KCNN2: variants seen among roughly 807,000 people sequenced by gnomAD.
The protein encoded by KCNN2 is potassium calcium-activated channel subfamily N member 2.
A neutral mutation model predicts 55.5 loss-of-function variants in KCNN2; 24 were observed. The ratio of observed to expected loss-of-function variants is 0.43; its 90% confidence interval spans 0.31 to 0.61. KCNN2 has a LOEUF of 0.61. Ranked by LOEUF, KCNN2 falls within the 20% of genes least tolerant of loss-of-function variation. The probability of loss-of-function intolerance (pLI) is 0.08; values close to 1 mark genes in which losing one functional copy is unlikely to be tolerated. For synonymous variants in KCNN2, 431 were observed against 336.1 expected (o/e 1.28, Z -3.09); for missense variants, 754 against 853.6 (o/e 0.88, Z 1.45).
chr5:114,395,796 T>C (rs1467922923), intron 2 of KCNN2, among the ~76,000 whole-genome samples: 1 of 152,190 alleles, frequency 6.6e-6, no homozygotes, highest in African/African-American at 2.4e-5. Flanking sequence ...CCTTCCTGCT[T>C]CACTGCCTGC....
At chr5:114,479,132 G>C (rs1332409263) in intron 5 of KCNN2, among the ~76,000 whole-genome samples, 2 of 151,800 alleles carry the variant, frequency 1.3e-5, no homozygotes, top group Non-Finnish European at 2.9e-5. Context: ...AGACCCATCA[G>C]TGTGCTGTCT....
chr5:114,473,901 A>G lies in KCNN2; in HGVS notation c.1890+737A>G, dbSNP rs543950987. Among the ~76,000 whole-genome samples the G allele has an allele frequency of 6.6e-5, 10 of 152,326 alleles. No individual in the cohort carries two copies. The South Asian group carries it at 2.1e-3, about 32-fold the overall frequency. The stretch of plus-strand genomic sequence containing the variant: ...TTGCTCAAAGTCACCAGATCCAGGT[A>G]GAAAACTGCAAGAAGAGAAAGGTTT... On this transcript the variant is annotated intron_variant, in intron 5 of 7. Transcript: ENST00000673685.
intron 2 of KCNN2, among the ~76,000 whole-genome samples, chr5:114,280,536 A>G (rs955546513): frequency 6.6e-6 from 1 of 152,142 alleles, no homozygotes; most frequent in Non-Finnish European, 1.5e-5. Flanking sequence ...CAGTTTTCCC[A>G]TCACCATTAA....
At chr5:114,342,255 T>C (rs1233779835) in intron 2 of KCNN2, among the ~76,000 whole-genome samples, 1 of 152,174 alleles carries the variant, frequency 6.6e-6, no homozygotes, top group African/African-American at 2.4e-5. Context: ...AATTCTCTTA[T>C]GCACTTACTC....
chr5:114,177,338 C>T (rs1580591900), intron 1 of KCNN2, among the ~76,000 whole-genome samples: 1 of 152,086 alleles, frequency 6.6e-6, no homozygotes, highest in East Asian at 1.9e-4. Context: ...GGGGTTTCAC[C>T]GTGTTAGCCA....
intron 3 of KCNN2, among the ~76,000 whole-genome samples, chr5:114,438,268 A>G (rs570779502): frequency 6.6e-6 from 1 of 152,132 alleles, no homozygotes; most frequent in South Asian, 2.1e-4. Flanking sequence ...AGTTTTACAT[A>G]ATGAGATGCT....
chr5:114,168,727 A>G (rs1201956304), intron 1 of KCNN2, among the ~76,000 whole-genome samples: 1 of 151,968 alleles, frequency 6.6e-6, no homozygotes, highest in Non-Finnish European at 1.5e-5. Flanking sequence ...TTGTCCTAAC[A>G]CTTGCTGAAA....
At chr5:114,123,906 T>C (rs1751877355) in intron 1 of KCNN2, among the ~76,000 whole-genome samples, 1 of 152,228 alleles carries the variant, frequency 6.6e-6, no homozygotes, top group Admixed American at 6.5e-5. Flanking sequence ...AATTGTGGGC[T>C]ACACCAGGTC....
rs200825358 is a variant in KCNN2 at position 114,330,628 on chromosome 5, T to A, written c.-184-30317T>A. Among the ~76,000 whole-genome samples the A allele has an allele frequency of 1.0e-3, 57 of 54,790 alleles. 1 individual carries two copies. In the East Asian group the frequency reaches 0.14, roughly 134 times the overall value. The allele number at this position is 54,790 out of a possible 152,430, so 35.9% of individuals were successfully genotyped here. A position where few individuals can be genotyped will look rare whatever the true frequency, so the allele number is the denominator to read the frequency against. ...GTTATGCTTCTCATACCTCCAAGCC[T>A]CCTGTCCTCTTCCTGGAGCACACTG... On this transcript the variant is annotated intron_variant, in intron 2 of 10. Transcript: ENST00000512097.
chr5:114,466,913 G>A (rs563009756), intron 4 of KCNN2, among the ~76,000 whole-genome samples: 2 of 152,058 alleles, frequency 1.3e-5, no homozygotes, highest in African/African-American at 2.4e-5. Context: ...AAAGCAATGC[G>A]TAAAGCTTTC....
intron 1 of KCNN2, among the ~76,000 whole-genome samples, chr5:114,218,585 C>T (rs976468179): frequency 6.6e-6 from 1 of 152,138 alleles, no homozygotes; most frequent in Non-Finnish European, 1.5e-5. Context: ...AGGGTTGGCA[C>T]AAGGGACAGA....
intron 1 of KCNN2, among the ~76,000 whole-genome samples, chr5:114,087,549 C>T (rs1477055362): frequency 6.6e-6 from 1 of 152,066 alleles, no homozygotes; most frequent in African/African-American, 2.4e-5. Context: ...TTTCCCCCCT[C>T]TTATTTTTGT....
At chr5:114,224,358 T>A (rs1754201235) in intron 2 of KCNN2, among the ~76,000 whole-genome samples, 1 of 152,218 alleles carries the variant, frequency 6.6e-6, no homozygotes, top group South Asian at 2.1e-4. Context: ...TTAGAAAATA[T>A]TTTTTCTTGC....
At chr5:114,251,973 G>A (rs954377379) in intron 2 of KCNN2, among the ~76,000 whole-genome samples, 2 of 150,104 alleles carry the variant, frequency 1.3e-5, no homozygotes, top group African/African-American at 4.9e-5. Flanking sequence ...CTGCCTCCCA[G>A]GTTCAAGCAA....
At chr5:114,145,184 G>T (rs1434327677) in intron 1 of KCNN2, among the ~76,000 whole-genome samples, 2 of 152,116 alleles carry the variant, frequency 1.3e-5, no homozygotes, top group Non-Finnish European at 2.9e-5. Flanking sequence ...ATAGGGGAGG[G>T]TTGTCACTAC....
rs1750371618 is a variant in KCNN2 at position 114,063,344 on chromosome 5, T to C, written c.-271+6844T>C. Among the ~76,000 whole-genome samples, 3 of 152,222 alleles carry C rather than the reference T, an allele frequency of 2.0e-5. No individual in the cohort carries two copies. In the South Asian group the frequency reaches 6.2e-4, roughly 32 times the overall value. ...TATGCTTTTTATATGCCTGTTGCAA[T>C]ACAGAAATATGATTTTGCCATATGT... On this transcript the variant is annotated intron_variant, in intron 1 of 10. Transcript: ENST00000512097.
chr5:114,149,860 T>C (rs761467527), intron 1 of KCNN2, among the ~76,000 whole-genome samples: 1 of 152,162 alleles, frequency 6.6e-6, no homozygotes, highest in Non-Finnish European at 1.5e-5. Flanking sequence ...GAAGGGAGTA[T>C]GCCTTAACCC....
Position 114,198,463 on chromosome 5 carries a change from T to TACACACAC in KCNN2, c.-270-23001_-270-22994dup, listed in dbSNP as rs56335930. On this transcript the variant is annotated intron_variant, in intron 1 of 10. Coordinates refer to the KCNN2 transcript ENST00000512097. Reference sequence around the variant, plus strand: ...ATATGTGTTTACATATATATACATATACACACACACACACACACACACATT... The same window carrying TACACACAC: ...ATATGTGTTTACATATATATACATATACACACACACACACACACACACACACACACATT... Among the ~76,000 whole-genome samples, 599 of 147,886 alleles carry TACACACAC rather than the reference T, an allele frequency of 4.1e-3. 3 individuals carry two copies. The highest frequency in any genetic ancestry group is 9.9e-3 in the African/African-American group (398 of 40,318).
At chr5:114,422,956 C>T (rs536653693) in intron 3 of KCNN2, among the ~76,000 whole-genome samples, 1 of 152,310 alleles carries the variant, frequency 6.6e-6, no homozygotes, top group African/African-American at 2.4e-5. Flanking sequence ...GTAAAAGTTA[C>T]AATTCATGTT....
Sources: gnomAD v4.1 joint callset for allele counts (sites outside exome capture counted in the v4.1 genomes callset) on GRCh38, gnomAD v4.1.1 for gene constraint, MANE v1.5 for transcripts, NCBI Gene and HGNC (gene_info 2026-07-23, HGNC 2026-07-21) for gene names.